The following RMP24 variants were observed in gnomAD, a reference collection of about 807,000 sequenced individuals.
RMP24 encodes ribonuclease MRP protein subunit p24.
the RMP24 span, chr18:35,977,417 C>T: frequency 6.2e-7 from 1 of 1,609,014 alleles, no homozygotes; most frequent in Admixed American, 1.7e-5. Flanking sequence ...TAGTTGATCA[C>T]TTGTAAAACA....
At chr18:35,973,204 C>T in the RMP24 span, 2 of 537,990 alleles carry the variant, frequency 3.7e-6, no homozygotes, top group Non-Finnish European at 6.7e-6. Flanking sequence ...GCTGGTTCCT[C>T]CTAATCTCCC....
At chr18:35,978,922 A>G in the RMP24 span, 1 of 1,613,464 alleles carries the variant, frequency 6.2e-7, no homozygotes, top group East Asian at 2.2e-5. Flanking sequence ...TAAAAATGTT[A>G]CTTAGTCAGA....
At chr18:35,974,881 T>C in the RMP24 span, 1 of 1,601,452 alleles carries the variant, frequency 6.2e-7, no homozygotes, top group South Asian at 1.1e-5. Context: ...GTGAGTTTCA[T>C]TTGTATAATT....
the RMP24 span, among the ~76,000 whole-genome samples, chr18:35,976,129 G>A: frequency 3.0e-5 from 3 of 99,056 alleles, no homozygotes; most frequent in Admixed American, 2.0e-4. Flanking sequence ...AGAGGTATTT[G>A]TTTTTCTGAT....
chr18:35,976,715 G>T, the RMP24 span, among the ~76,000 whole-genome samples: 1 of 152,082 alleles, frequency 6.6e-6, no homozygotes, highest in Non-Finnish European at 1.5e-5. Context: ...TGTTGTTTTT[G>T]GGAAGAGGCT....
the RMP24 span, chr18:35,974,965 T>G: frequency 1.9e-6 from 3 of 1,614,132 alleles, no homozygotes; most frequent in Non-Finnish European, 2.5e-6. Context: ...AACTCTCGAG[T>G]GCGTCTCAAA....
chr18:35,978,257 C>T, the RMP24 span, among the ~76,000 whole-genome samples: 1 of 152,224 alleles, frequency 6.6e-6, no homozygotes, highest in African/African-American at 2.4e-5. Context: ...CATGGCTTTC[C>T]AGCCCTATCT....
At chr18:35,972,832 G>C in the RMP24 span, 1 of 1,614,234 alleles carries the variant, frequency 6.2e-7, no homozygotes, top group Non-Finnish European at 8.5e-7. Context: ...GGAAGCGGGA[G>C]GCGAGCGGGT....
the RMP24 span, chr18:35,972,774 GA>G: frequency 6.2e-7 from 1 of 1,613,986 alleles, no homozygotes; most frequent in Non-Finnish European, 8.5e-7. Flanking sequence ...GGGACTGCAC[GA>G]CAGCTGCCCG....
the RMP24 span, chr18:35,973,282 C>G: frequency 2.8e-6 from 1 of 354,706 alleles, no homozygotes; most frequent in Non-Finnish European, 5.3e-6. Flanking sequence ...CACTCGCTTC[C>G]TTGGTGACAG....
the RMP24 span, among the ~76,000 whole-genome samples, chr18:35,977,180 G>A: frequency 1.8e-4 from 27 of 151,712 alleles, no homozygotes; most frequent in Non-Finnish European, 3.2e-4. Flanking sequence ...CTGAGATCAC[G>A]CCACTGCACT....
the RMP24 span, among the ~76,000 whole-genome samples, chr18:35,977,076 T>C: frequency 6.6e-6 from 1 of 151,986 alleles, no homozygotes; most frequent in Non-Finnish European, 1.5e-5. Flanking sequence ...AAATACAGAA[T>C]TAGCCAGGCA....
the RMP24 span, chr18:35,974,025 TCTTTC>T: frequency 1.3e-5 from 2 of 152,328 alleles, no homozygotes; most frequent in Non-Finnish European, 2.9e-5. Flanking sequence ...TCTGACGTAC[TCTTTC>T]CTTCACGCAA....
the RMP24 span, chr18:35,975,198 T>C: frequency 1.4e-4 from 126 of 916,360 alleles, no homozygotes; most frequent in Non-Finnish European, 2.0e-4. Flanking sequence ...AGATTTATAG[T>C]AGTATATTTG....
At chr18:35,973,133 C>T in the RMP24 span, 1 of 618,782 alleles carries the variant, frequency 1.6e-6, no homozygotes, top group Non-Finnish European at 2.8e-6. Context: ...ATAGTTTCCT[C>T]CCTTGGCTTC....
At chr18:35,975,342 G>A in the RMP24 span, among the ~76,000 whole-genome samples, 1 of 152,126 alleles carries the variant, frequency 6.6e-6, no homozygotes, top group Admixed American at 6.5e-5. Flanking sequence ...CCATTGTTGA[G>A]CATTATTTTT....
At chr18:35,972,839 G>GGGTA in the RMP24 span, 2 of 1,614,208 alleles carry the variant, frequency 1.2e-6, no homozygotes, top group Non-Finnish European at 1.7e-6. Context: ...GGAGGCGAGC[G>GGGTA]GGTAGGTGTT....
At chr18:35,977,560 A>G in the RMP24 span, 7 of 1,613,922 alleles carry the variant, frequency 4.3e-6, no homozygotes, top group African/African-American at 1.3e-5. Flanking sequence ...AAATCATGAC[A>G]TGTCTGGCTC....
At chr18:35,977,014 G>C in the RMP24 span, among the ~76,000 whole-genome samples, 1 of 152,132 alleles carries the variant, frequency 6.6e-6, no homozygotes, top group East Asian at 1.9e-4. Context: ...GATCGCCTGA[G>C]GTCAGGAGTT....
Sources: gnomAD v4.1 joint callset for allele counts (sites outside exome capture counted in the v4.1 genomes callset) on GRCh38, gnomAD v4.1.1 for gene constraint, MANE v1.5 for transcripts, NCBI Gene and HGNC (gene_info 2026-07-23, HGNC 2026-07-21) for gene names.